FLT4: variants seen among roughly 807,000 people sequenced by gnomAD.
FLT4 encodes vascular endothelial growth factor receptor 3.
FLT4 carries 30 observed loss-of-function variants against 163.2 expected under a neutral mutation model. The observed-to-expected ratio is 0.18, with a 90% confidence interval of 0.14 to 0.25. The LOEUF is 0.25. Among genes scored for constraint, FLT4 ranks in the 10% least tolerant of loss-of-function variants. The probability of loss-of-function intolerance (pLI) is 1.00; values close to 1 mark genes in which losing one functional copy is unlikely to be tolerated. For missense variants in FLT4, 1,510 were observed against 1,863.8 expected (o/e 0.81, Z 3.50); for synonymous variants, 884 against 789.5 (o/e 1.12, Z -2.01).
In FLT4 at chr5:180,630,654, C is replaced by T; in HGVS notation, c.301G>A (p.Val101Ile). 1.2e-6 allele frequency: 2 copies of T among 1,613,236 alleles called. No homozygotes were observed. The highest frequency in any genetic ancestry group is 3.3e-5 in the Admixed American group (2 of 60,028). The part of the protein sequence containing the change: ...PYCKVLLLHE[V>I]HANDTGSYVC... ...TAGCTGCCTGTGTCGTTGGCATGTA[C>T]CTCGTGCAGCAGCAACACCTTGCAG... is the stretch of plus-strand genomic sequence containing the variant. The change falls in exon 3 of 30, where the codon GTA (valine) becomes ATA (isoleucine). Residue 101 changes from valine to isoleucine, a missense_variant. Val to Ile is a conservative substitution (Grantham distance 29, BLOSUM62 3). This residue lies in a region of FLT4 where 157 missense variants were observed against 178.7 expected (regional missense o/e 0.88). Transcript: ENST00000261937. This position sits in a 1 kb window ranked among gnomAD's most constrained non-coding sequence, Gnocchi z 6.3.
chr5:180,619,126 C>T lies in FLT4; in HGVS notation c.2762-17G>A. The T allele has an allele frequency of 3.4e-6, 5 of 1,483,986 alleles. No homozygotes were observed. Among genetic ancestry groups the T allele is most frequent in the Admixed American group, 2.4e-5 (1 of 41,968 alleles). 91.9% of individuals were successfully genotyped at this position (1,483,986 alleles called of 1,614,324 possible). On this transcript the variant is annotated splice_polypyrimidine_tract_variant and intron_variant, in intron 19 of 29. Coordinates refer to ENST00000261937, the MANE Select transcript of FLT4 (RefSeq NM_182925.5). ...TGAGGGGGCCTGCGGCGGGACCGGG[C>T]GGCGGCCGTGCGTTCGGAACCCGGG...
chr5:180,629,323 C>G lies in FLT4; in HGVS notation c.921G>C (p.Ser307=), dbSNP rs113341939. 6.8e-6 allele frequency: 11 copies of G among 1,613,200 alleles called. No individual in the cohort carries two copies. Among genetic ancestry groups the G allele is most frequent in the African/African-American group, 2.7e-5 (2 of 74,944 alleles). Residue 307 remains serine, a synonymous_variant, in exon 7 of 30, where the codon TCG becomes TCC. Transcript: ENST00000261937. ...IHNVSQHDLG[S]YVCKANNGIQ... ...TGCCGTTGTTGGCCTTGCACACATACGAGCCCAGGTCGTGCTGGCTGACGT... is the reference window on the plus strand; with the variant it reads ...TGCCGTTGTTGGCCTTGCACACATAGGAGCCCAGGTCGTGCTGGCTGACGT...
At chr5:180,642,062 C>T (rs1049283549) in intron 1 of FLT4, among the ~76,000 whole-genome samples, 7 of 152,044 alleles carry the variant, frequency 4.6e-5, no homozygotes, top group Non-Finnish European at 7.4e-5. Flanking sequence ...CAAAAATTAG[C>T]CCAGTGTGGT....
At chr5:180,644,592 G>A (rs1043854266) in intron 1 of FLT4, among the ~76,000 whole-genome samples, 1 of 152,192 alleles carries the variant, frequency 6.6e-6, no homozygotes, top group Non-Finnish European at 1.5e-5. Flanking sequence ...CTAGAGAGCC[G>A]TTTCACCCTT....
Position 180,621,804 on chromosome 5 carries a change from C to G in FLT4, c.1758G>C (p.Glu586Asp), listed in dbSNP as rs1474546534. The part of the protein sequence containing the change: ...LSCQADSYKY[E>D]HLRWYRLNLS... The stretch of plus-strand genomic sequence containing the variant: ...GGTTGAGGCGGTACCAGCGCAGATG[C>G]TCGTACTTGTAGCTGTCGGCTTGGC... The change falls in exon 13 of 30, where the codon GAG becomes GAC. Residue 586 changes from glutamate (E) to aspartate (D), a missense_variant. Physicochemically the swap from Glu to Asp is conservative, Grantham distance 45. Around this residue, in one of 5 missense-constraint regions of FLT4, gnomAD observed 878 missense variants for 1,016.7 expected, o/e 0.86. Coordinates refer to ENST00000261937, the MANE Select transcript of FLT4 (RefSeq NM_182925.5). The G allele has an allele frequency of 6.2e-7, 1 of 1,613,434 alleles. No homozygotes were observed. The highest frequency in any genetic ancestry group is 2.2e-5 in the East Asian group (1 of 44,878).
chr5:180,630,356 C>A lies in FLT4; in HGVS notation c.401-19G>T, dbSNP rs56188706. On this transcript the variant is annotated intron_variant, in intron 3 of 29. Transcript: ENST00000261937. This position sits in a 1 kb window ranked among gnomAD's most constrained non-coding sequence, Gnocchi z 6.3. ...TCAAAGTCTATGGAGAGGGAGCAAG[C>A]TGTTGGGGAAGGGACGTGGCGGCCA... 1.2e-6 allele frequency: 2 copies of A among 1,602,056 alleles called. No individual in the cohort carries two copies. The highest frequency in any genetic ancestry group is 1.3e-5 in the African/African-American group (1 of 74,802).
intron 1 of FLT4, among the ~76,000 whole-genome samples, chr5:180,645,420 C>T (rs1561765838): frequency 6.6e-6 from 1 of 152,200 alleles, no homozygotes; most frequent in Non-Finnish European, 1.5e-5. Context: ...GGACGAGCGG[C>T]GTTATCAGAC....
In FLT4 at chr5:180,620,051, C is replaced by G; in HGVS notation, c.2542+122G>C. On this transcript the variant is annotated intron_variant, in intron 17 of 29. Coordinates refer to ENST00000261937, the MANE Select transcript of FLT4 (RefSeq NM_182925.5). The surrounding 1 kb of genome is among the most constrained non-coding windows in gnomAD (Gnocchi z 4.4). ...TTCTAGGTACCCACGCCCACAGGGA[C>G]AGGTCAGGCCAGGCGGAACTTCCTG... 7.9e-7 allele frequency: 1 copy of G among 1,264,002 alleles called. No homozygotes were observed. The highest frequency in any genetic ancestry group is 1.4e-5 in the South Asian group (1 of 73,690). 78.3% of individuals were successfully genotyped at this position (1,264,002 alleles called of 1,614,324 possible).
rs1386601342 is a variant in FLT4, at chr5:180,620,156, G to A, written c.2542+17C>T. On this transcript the variant is annotated intron_variant, in intron 17 of 29. Transcript: ENST00000261937. This position sits in a 1 kb window ranked among gnomAD's most constrained non-coding sequence, Gnocchi z 4.4. ...CGGGCAGGAGGTGTGGGTTGGGCAG[G>A]CTGGTGCTGGCCTCACCCAGGTGCA... 4 of 1,601,508 alleles carry A rather than the reference G, an allele frequency of 2.5e-6. No individual in the cohort carries two copies. Among genetic ancestry groups the A allele is most frequent in the Non-Finnish European group, 2.5e-6 (3 of 1,177,590 alleles).
chr5:180,616,247 G>T, intron 23 of FLT4, 120 bp downstream of exon 23: 1 of 1,433,808 alleles, frequency 7.0e-7, no homozygotes, highest in Non-Finnish European at 9.7e-7. Context: ...CACATGGCTG[G>T]CCAACCAAGG....
Position 180,625,981 on chromosome 5 carries a change from G to T in FLT4, c.1309C>A (p.Arg437Ser). 1.2e-6 allele frequency: 2 copies of T among 1,612,770 alleles called. No homozygotes were observed. Among genetic ancestry groups the T allele is most frequent in the Non-Finnish European group, 1.7e-6 (2 of 1,179,952 alleles). ...KEASSPSIYS[R>S]HSRQALTCTA... ...CAGGTGAGGGCCTGGCGGCTGTGACGCGAGTAGATGCTGGGGGAGGAGGCC... is the reference window on the plus strand; with the variant it reads ...CAGGTGAGGGCCTGGCGGCTGTGACTCGAGTAGATGCTGGGGGAGGAGGCC... Residue 437 changes from arginine (R) to serine (S), a missense_variant, in exon 10 of 30, where the codon CGT (arginine) becomes AGT (serine). Physicochemically the swap from Arg to Ser is moderately radical, Grantham distance 110. Transcript: ENST00000261937.
chr5:180,645,876 G>A (rs373465397), intron 1 of FLT4, among the ~76,000 whole-genome samples: 4 of 152,138 alleles, frequency 2.6e-5, no homozygotes, highest in Non-Finnish European at 5.9e-5. Context: ...CAGAGTCTAG[G>A]GGGTGTGAGA....
intron 24 of FLT4, chr5:180,613,370 C>T (rs879668466): frequency 1.1e-5 from 5 of 450,390 alleles, no homozygotes; most frequent in Non-Finnish European, 2.0e-5. Flanking sequence ...AGCATCCACC[C>T]ACTGGCGACA....
chr5:180,643,464 C>T (rs910761193), intron 1 of FLT4, among the ~76,000 whole-genome samples: 4 of 152,152 alleles, frequency 2.6e-5, no homozygotes, highest in Admixed American at 6.5e-5. Flanking sequence ...CTCCCCTCCC[C>T]GCTGCTGGCC....
At chr5:180,649,690 C>T (rs1765654841), upstream of FLT4, 4 of 242,430 alleles carry the variant, frequency 1.6e-5, no homozygotes, top group South Asian at 1.6e-4. Context: ...CCCGCGCCCC[C>T]CTCCCCCCGT....
chr5:180,616,390 G>C lies in FLT4; in HGVS notation c.3196C>G (p.Pro1066Ala), dbSNP rs1469484040. The part of the protein sequence containing the change: ...FGLARDIYKD[P>A]DYVRKGSARL... ...ACACTGCCCTTGCGGACGTAGTCGG[G>C]GTCTTTGTAGATGTCCCGGGCAAGG... The change falls in exon 23 of 30, where the codon CCC (proline) becomes GCC (alanine). Residue 1066 changes from proline (P) to alanine (A), a missense_variant. Physicochemically the swap from Pro to Ala is conservative, Grantham distance 27. Coordinates refer to ENST00000261937, the MANE Select transcript of FLT4 (RefSeq NM_182925.5). 1 of 1,613,982 alleles carries C rather than the reference G, an allele frequency of 6.2e-7. No individual in the cohort carries two copies. The highest frequency in any genetic ancestry group is 8.5e-7 in the Non-Finnish European group (1 of 1,180,004).
chr5:180,608,884 TG>T, intron 29 of FLT4, 83 bp downstream of exon 29: 2 of 1,191,338 alleles, frequency 1.7e-6, no homozygotes, highest in Non-Finnish European at 2.5e-6. Flanking sequence ...GGAAGAGGGC[TG>T]GGCACACCCA....
At chr5:180,619,549 C>G in intron 18 of FLT4, 116 bp downstream of exon 18, 1 of 1,034,628 alleles carries the variant, frequency 9.7e-7, no homozygotes, top group Non-Finnish European at 1.5e-6. Flanking sequence ...TGTAGAATCT[C>G]GGATGAGACT....
rs778274415 is a variant in FLT4 at position 180,621,630 on chromosome 5, C to G, written c.1932G>C (p.Ala644=). The change falls in exon 13 of 30, where the codon GCG becomes GCC. Residue 644 remains alanine (A), a synonymous_variant. Coordinates refer to ENST00000261937, the MANE Select transcript of FLT4 (RefSeq NM_182925.5). Reference sequence around the variant, plus strand: ...ACACATAGTGGCCCTCGTGCTCGGGCGCGACGCGGGGGATACTCAGGCTGA... The same window carrying G: ...ACACATAGTGGCCCTCGTGCTCGGGGGCGACGCGGGGGATACTCAGGCTGA... ...ATLSLSIPRV[A]PEHEGHYVCE... 8 of 1,605,586 alleles carry G rather than the reference C, an allele frequency of 5.0e-6. No homozygotes were observed. The South Asian group carries it at 6.6e-5, about 13-fold the overall frequency.
Sources: gnomAD v4.1 joint callset for allele counts (sites outside exome capture counted in the v4.1 genomes callset) on GRCh38, gnomAD v4.1.1 for gene constraint, gnomAD v4.1.1 regional missense constraint, Gnocchi (gnomAD v3.1) non-coding constraint, MANE v1.5 for transcripts, NCBI Gene and HGNC (gene_info 2026-07-23, HGNC 2026-07-21) for gene names.